The following GALNT13 variants were observed in gnomAD, a reference collection of about 807,000 sequenced individuals.
GALNT13 encodes polypeptide N-acetylgalactosaminyltransferase 13.
Under a neutral mutation model 64.2 loss-of-function variants are expected in GALNT13, and 28 were observed. That is an observed-to-expected ratio of 0.44 (90% CI 0.32 to 0.60). GALNT13 has a LOEUF of 0.60. GALNT13 is among the 20% of genes least tolerant of loss of function. The pLI is 0.05. For synonymous variants in GALNT13, 214 were observed against 224.6 expected, an observed-to-expected ratio of 0.95 and a Z score of 0.42; for missense variants, 577 against 669.8, an observed-to-expected ratio of 0.86 and a Z score of 1.53.
At chr2:153,243,393 T>A in the GALNT13 span, among the ~76,000 whole-genome samples, 1 of 152,184 alleles carries the variant, frequency 6.6e-6, no homozygotes, top group Admixed American at 6.5e-5. Flanking sequence ...ACCTTGCCCC[T>A]AGCTATGCTG....
At chr2:153,898,059 A>G (rs1687994669) in intron 1 of GALNT13, among the ~76,000 whole-genome samples, 1 of 152,004 alleles carries the variant, frequency 6.6e-6, no homozygotes, top group South Asian at 2.1e-4. Context: ...TTTTCATGTC[A>G]CTGTTAGGAA....
chr2:153,852,026 T>C, the GALNT13 span, among the ~76,000 whole-genome samples: 3 of 152,072 alleles, frequency 2.0e-5, no homozygotes, highest in Admixed American at 1.3e-4. Context: ...CTTAAATCAT[T>C]TGCCAAAATA....
At chr2:154,420,463 T>C (rs1300831736) in intron 11 of GALNT13, among the ~76,000 whole-genome samples, 1 of 152,158 alleles carries the variant, frequency 6.6e-6, no homozygotes, top group Non-Finnish European at 1.5e-5. Context: ...AATAGTTTTC[T>C]CCTGTTTTAT....
At chr2:153,936,073 T>C (rs1012952227) in intron 2 of GALNT13, among the ~76,000 whole-genome samples, 1 of 152,224 alleles carries the variant, frequency 6.6e-6, no homozygotes, top group African/African-American at 2.4e-5. Flanking sequence ...GTAGAGGGAT[T>C]CAGTTAGCAG....
the GALNT13 span, among the ~76,000 whole-genome samples, chr2:153,699,407 C>G: frequency 6.6e-6 from 1 of 151,844 alleles, no homozygotes; most frequent in African/African-American, 2.4e-5. Flanking sequence ...TAATTTGACA[C>G]CAAAACATCA....
intron 3 of GALNT13, among the ~76,000 whole-genome samples, chr2:154,088,002 T>G (rs531299758): frequency 6.6e-6 from 1 of 152,262 alleles, no homozygotes; most frequent in African/African-American, 2.4e-5. Flanking sequence ...TGTTATGTGT[T>G]TCTGCAAATT....
At chr2:153,450,656 T>C in the GALNT13 span, among the ~76,000 whole-genome samples, 23 of 152,020 alleles carry the variant, frequency 1.5e-4, no homozygotes, top group African/African-American at 5.1e-4. Flanking sequence ...ATGTCTATTA[T>C]ATTCCGATGA....
chr2:153,494,074 C>CAA, the GALNT13 span, among the ~76,000 whole-genome samples: 460 of 144,680 alleles, frequency 3.2e-3, 16 homozygotes, highest in East Asian at 0.086. Flanking sequence ...ATAATTTTAG[C>CAA]AAAAAAAAAA....
the GALNT13 span, among the ~76,000 whole-genome samples, chr2:153,336,897 A>G: frequency 1.3e-5 from 2 of 152,218 alleles, no homozygotes; most frequent in East Asian, 3.9e-4. Context: ...ATAAGGCCAG[A>G]CTTTCCCGTG....
the GALNT13 span, among the ~76,000 whole-genome samples, chr2:153,845,295 G>A: frequency 0.4 from 61,455 of 152,070 alleles, 14,551 homozygotes; most frequent in Middle Eastern, 0.59. Context: ...CAGGAAGCAC[G>A]CTGCTGATAT....
At chr2:153,631,343 G>T in the GALNT13 span, among the ~76,000 whole-genome samples, 2 of 152,158 alleles carry the variant, frequency 1.3e-5, no homozygotes, top group African/African-American at 4.8e-5. Flanking sequence ...GGATGGCTGG[G>T]TCAAATGGTA....
At chr2:154,163,408 G>A (rs1381372194) in intron 4 of GALNT13, among the ~76,000 whole-genome samples, 3 of 151,564 alleles carry the variant, frequency 2.0e-5, no homozygotes, top group African/African-American at 7.3e-5. Flanking sequence ...AATGATAAAG[G>A]GGATATCACC....
intron 2 of GALNT13, among the ~76,000 whole-genome samples, chr2:153,928,535 A>C (rs1347553599): frequency 6.6e-6 from 1 of 152,114 alleles, no homozygotes; most frequent in Non-Finnish European, 1.5e-5. Flanking sequence ...CCTCTTGAGG[A>C]CTATTAATGA....
At chr2:153,847,996 G>T in the GALNT13 span, among the ~76,000 whole-genome samples, 2 of 152,156 alleles carry the variant, frequency 1.3e-5, no homozygotes, top group Non-Finnish European at 2.9e-5. Context: ...CTCTGAATAA[G>T]TCAGTAATTG....
chr2:153,589,106 G>T, the GALNT13 span, among the ~76,000 whole-genome samples: 2 of 151,470 alleles, frequency 1.3e-5, no homozygotes, highest in East Asian at 3.9e-4. Flanking sequence ...TTGCACTCCA[G>T]CCTGGGCAGC....
chr2:153,225,650 A>G, the GALNT13 span, among the ~76,000 whole-genome samples: 1 of 152,246 alleles, frequency 6.6e-6, no homozygotes, highest in Non-Finnish European at 1.5e-5. Context: ...GATGAAGTCC[A>G]ATATATAATT....
intron 8 of GALNT13, among the ~76,000 whole-genome samples, chr2:154,298,608 T>TAAATTGTATATA (rs1190599505): frequency 1.8e-3 from 7 of 3,868 alleles, no homozygotes; most frequent in African/African-American, 3.0e-3. Flanking sequence ...AATGTATATA[T>TAAATTGTATATA]TAATTTATAT....
At chr2:153,544,540 G>C in the GALNT13 span, among the ~76,000 whole-genome samples, 1 of 152,300 alleles carries the variant, frequency 6.6e-6, no homozygotes, top group East Asian at 1.9e-4. Flanking sequence ...CCACAAAGTG[G>C]AGAATCAATT....
chr2:153,229,066 A>G, the GALNT13 span, among the ~76,000 whole-genome samples: 2 of 152,130 alleles, frequency 1.3e-5, no homozygotes, highest in South Asian at 4.1e-4. Flanking sequence ...TAATTCTACA[A>G]GGCTCTGGTT....
Sources: allele counts gnomAD v4.1 joint callset (sites outside exome capture counted in the v4.1 genomes callset), GRCh38; gene constraint gnomAD v4.1.1; transcripts MANE v1.5; gene names NCBI Gene and HGNC (gene_info 2026-07-23, HGNC 2026-07-21).